Variants in TWSG1 observed in about 807,000 individuals in gnomAD.
TWSG1 encodes the protein twisted gastrulation protein homolog 1.
A neutral mutation model predicts 23.0 loss-of-function variants in TWSG1; 15 were observed. The observed-to-expected ratio is 0.65, with a 90% CI of 0.44 to 1.00. The LOEUF (loss-of-function observed/expected upper bound fraction) is 1.00. Among genes scored for constraint, TWSG1 ranks in the 50% least tolerant of loss-of-function variants. The pLI, the probability that TWSG1 is intolerant of heterozygous loss-of-function variation, is 0.00. For missense variants in TWSG1, 242 were observed against 278.7 expected, an observed-to-expected ratio of 0.87 and a Z score of 0.94; for synonymous variants, 86 against 92.8, an observed-to-expected ratio of 0.93 and a Z score of 0.42.
In TWSG1 at chr18:9,399,487, A is replaced by G. The variant is rs182102410; in HGVS notation, c.632A>G (p.Tyr211Cys). Residue 211 changes from tyrosine (Y) to cysteine (C), a missense_variant, in exon 5 of 5, where the codon TAT becomes TGT. By Grantham distance (194) the Tyr-to-Cys change is radical. Coordinates refer to ENST00000262120, the MANE Select transcript of TWSG1 (RefSeq NM_020648.6). ...CECIGPECID[Y>C]GSKTVKCMNC... is the part of the protein sequence containing the mutation. ...TGCATTGGTCCAGAATGTATTGACTATGGTAGTAAAACTGTCAAATGTATG... is the reference window on the plus strand; with the variant it reads ...TGCATTGGTCCAGAATGTATTGACTGTGGTAGTAAAACTGTCAAATGTATG... 1.7e-5 allele frequency: 27 copies of G among 1,611,552 alleles called. No individual in the cohort carries two copies. The highest frequency in any genetic ancestry group is 1.1e-5 in the South Asian group (1 of 90,210).
In TWSG1 at chr18:9,359,988, G is replaced by A. The variant is rs778145177; in HGVS notation, c.140G>A (p.Arg47Gln). 1.4e-5 allele frequency: 22 copies of A among 1,613,154 alleles called. 1 individual carries two copies. Among genetic ancestry groups the A allele is most frequent in the Middle Eastern group, 1.7e-4 (1 of 6,048 alleles). The change falls in exon 3 of 5, where the codon CGG becomes CAG. Residue 47 changes from arginine to glutamine, a missense_variant. Arg to Gln is a conservative substitution (Grantham distance 43). Transcript: ENST00000262120. ...KCLIQELCQC[R>Q]PGEGNCSCCK... ...TGTTTCTAGGAGCTCTGCCAGTGCC[G>A]GCCGGGAGAAGGCAATTGCTCCTGC...
At chr18:9,388,440 T>G (rs1297839668) in intron 3 of TWSG1, 2 of 152,260 alleles carry the variant, frequency 1.3e-5, no homozygotes, top group Non-Finnish European at 2.9e-5. Flanking sequence ...TTTACTGGTT[T>G]TCAACTTTTA....
At chr18:9,364,672 T>C (rs564529888) in intron 3 of TWSG1, among the ~76,000 whole-genome samples, 1 of 152,070 alleles carries the variant, frequency 6.6e-6, no homozygotes, top group Non-Finnish European at 1.5e-5. Context: ...TAGGCACCTG[T>C]AATCCCAGCG....
At chr18:9,345,080 A>G (rs1022620328) in intron 2 of TWSG1, among the ~76,000 whole-genome samples, 1 of 152,100 alleles carries the variant, frequency 6.6e-6, no homozygotes, top group South Asian at 2.1e-4. Flanking sequence ...CTCATTTTAA[A>G]ATTGGCTTGT....
intron 3 of TWSG1, among the ~76,000 whole-genome samples, chr18:9,378,031 C>T (rs1486526107): frequency 7.2e-5 from 11 of 152,110 alleles, no homozygotes; most frequent in Admixed American, 7.2e-4. Flanking sequence ...AGATACAACA[C>T]CAAAGGCACA....
intron 2 of TWSG1, among the ~76,000 whole-genome samples, chr18:9,356,649 A>G (rs12962014): frequency 0.55 from 82,947 of 151,960 alleles, 23,745 homozygotes; most frequent in East Asian, 0.72. Context: ...ATACAGGTTG[A>G]ACATTTCAAA....
intron 3 of TWSG1, among the ~76,000 whole-genome samples, chr18:9,385,137 A>C (rs890451794): frequency 6.6e-6 from 1 of 152,192 alleles, no homozygotes; most frequent in African/African-American, 2.4e-5. Flanking sequence ...CTGTCTGTAG[A>C]ACAGCTGTAT....
chr18:9,386,440 C>T (rs1238963793), intron 3 of TWSG1, among the ~76,000 whole-genome samples: 35 of 139,990 alleles, frequency 2.5e-4, no homozygotes, highest in African/African-American at 8.6e-4. Context: ...GGTGACAGAG[C>T]GAGACTCCAT....
intron 3 of TWSG1, among the ~76,000 whole-genome samples, chr18:9,365,800 A>T (rs1283112818): frequency 6.6e-6 from 1 of 152,186 alleles, no homozygotes; most frequent in African/African-American, 2.4e-5. Flanking sequence ...CAGGAGTTCA[A>T]GATCAGCCTG....
At chr18:9,364,682 G>A (rs1044664623) in intron 3 of TWSG1, among the ~76,000 whole-genome samples, 3 of 151,786 alleles carry the variant, frequency 2.0e-5, no homozygotes, top group Non-Finnish European at 4.4e-5. Context: ...TAATCCCAGC[G>A]ACAAGGGAGG....
chr18:9,373,411 A>G (rs542038719), intron 3 of TWSG1, among the ~76,000 whole-genome samples: 6 of 152,228 alleles, frequency 3.9e-5, no homozygotes, highest in African/African-American at 1.4e-4. Context: ...GTGCATGCCT[A>G]TAATCCCAGC....
chr18:9,361,628 G>T (rs1393070134), intron 3 of TWSG1, among the ~76,000 whole-genome samples: 1 of 152,236 alleles, frequency 6.6e-6, no homozygotes, highest in African/African-American at 2.4e-5. Flanking sequence ...TGAGGCTGGG[G>T]TATGGGGCAG....
chr18:9,355,500 A>C (rs2040522381), intron 2 of TWSG1, among the ~76,000 whole-genome samples: 1 of 152,214 alleles, frequency 6.6e-6, no homozygotes, highest in South Asian at 2.1e-4. Flanking sequence ...TCACAACCAA[A>C]CATTATTCAA....
Position 9,393,506 on chromosome 18 carries a change from G to T in TWSG1, c.224-2774G>T, listed in dbSNP as rs190645917. Among the ~76,000 whole-genome samples the T allele has an allele frequency of 1.4e-3, 220 of 152,196 alleles. 2 individuals carry two copies. The highest frequency in any genetic ancestry group is 5.1e-3 in the African/African-American group (213 of 41,530). On this transcript the variant is annotated intron_variant, in intron 3 of 4. Coordinates refer to ENST00000262120, the MANE Select transcript of TWSG1 (RefSeq NM_020648.6). ...TCACTGAAAAAGTTTTCTATACTCT[G>T]TCTCTGATTCTCTCCTGCCATTTTT... is the stretch of plus-strand genomic sequence containing the variant.
At chr18:9,342,539 G>T (rs983855075) in intron 2 of TWSG1, among the ~76,000 whole-genome samples, 1 of 152,008 alleles carries the variant, frequency 6.6e-6, no homozygotes, top group Admixed American at 6.6e-5. Context: ...GAATGATTTT[G>T]TTTTTCTTGA....
chr18:9,360,702 A>G (rs116663430), intron 3 of TWSG1, among the ~76,000 whole-genome samples: 280 of 152,278 alleles, frequency 1.8e-3, no homozygotes, highest in African/African-American at 6.5e-3. Flanking sequence ...TCACCTCCTT[A>G]AGAACAGGAA....
chr18:9,394,543 T>G (rs1035133970), intron 3 of TWSG1, among the ~76,000 whole-genome samples: 4 of 152,302 alleles, frequency 2.6e-5, no homozygotes, highest in Admixed American at 6.5e-5. Flanking sequence ...AATAATGTAT[T>G]ATACATTTCA....
At chr18:9,371,335 C>T (rs8092234) in intron 3 of TWSG1, among the ~76,000 whole-genome samples, 13,128 of 146,300 alleles carry the variant, frequency 0.09, 649 homozygotes, top group Admixed American at 0.1. Context: ...CTTGCCCTGT[C>T]GCCCAGGCTG....
chr18:9,401,471 C>A lies in TWSG1; in HGVS notation c.*1944C>A, dbSNP rs1390053989. 6.6e-6 allele frequency: 1 copy of A among 150,642 alleles called. No homozygotes were observed. Among genetic ancestry groups the A allele is most frequent in the Non-Finnish European group, 1.5e-5 (1 of 67,700 alleles). 9.3% of individuals were successfully genotyped at this position (150,642 alleles called of 1,614,324 possible). ...AAACTGCATTTATCATTTTTTAGGT[C>A]TTCATTAAATTTTAAAATGTAATAT... On this transcript the variant is annotated 3_prime_UTR_variant, in exon 5 of 5. Coordinates refer to ENST00000262120, the MANE Select transcript of TWSG1 (RefSeq NM_020648.6).
Sources: allele counts gnomAD v4.1 joint callset (sites outside exome capture counted in the v4.1 genomes callset), GRCh38; gene constraint gnomAD v4.1.1; transcripts MANE v1.5; gene names NCBI Gene and HGNC (gene_info 2026-07-23, HGNC 2026-07-21).